The following TRNAU1AP variants were observed in gnomAD, a reference collection of about 807,000 sequenced individuals.
The protein encoded by TRNAU1AP is tRNA selenocysteine 1-associated protein 1.
A neutral mutation model predicts 43.3 loss-of-function variants in TRNAU1AP; 33 were observed. That is an observed-to-expected ratio of 0.76 (90% CI 0.58 to 1.02). The LOEUF is 1.02. Ranked by LOEUF, TRNAU1AP falls within the 50% of genes least tolerant of loss-of-function variation. TRNAU1AP has a pLI of 0.00. For missense variants in TRNAU1AP, 290 were observed against 362.7 expected, an observed-to-expected ratio of 0.80 and a Z score of 1.63; for synonymous variants, 143 against 129.1, an observed-to-expected ratio of 1.11 and a Z score of -0.73.
intron 2 of TRNAU1AP, among the ~76,000 whole-genome samples, chr1:28,556,349 A>T (rs1446673436): frequency 6.6e-6 from 1 of 151,618 alleles, no homozygotes; most frequent in Non-Finnish European, 1.5e-5. Context: ...CTGTAATTCC[A>T]ACTACTTGAG....
chr1:28,570,065 CTT>C (rs1008383968), intron 6 of TRNAU1AP, among the ~76,000 whole-genome samples: 15 of 152,116 alleles, frequency 9.9e-5, no homozygotes, highest in African/African-American at 3.6e-4. Flanking sequence ...AATCCCAACA[CTT>C]TGGGAGGCTG....
At chr1:28,568,180 T>A (rs1665581574) in intron 6 of TRNAU1AP, among the ~76,000 whole-genome samples, 1 of 151,840 alleles carries the variant, frequency 6.6e-6, no homozygotes, top group Admixed American at 6.6e-5. Flanking sequence ...AAAAGAAAAA[T>A]TTTCCAGACA....
At chr1:28,554,967 G>A (rs908328833) in intron 2 of TRNAU1AP, among the ~76,000 whole-genome samples, 3 of 151,816 alleles carry the variant, frequency 2.0e-5, no homozygotes, top group Non-Finnish European at 4.4e-5. Flanking sequence ...GGATGGGTGC[G>A]GTGCCTCATG....
chr1:28,567,167 TTTCTC>T (rs1665559830), intron 5 of TRNAU1AP, 122 bp from the exon 6 acceptor site: 6 of 1,002,512 alleles, frequency 6.0e-6, no homozygotes, highest in Non-Finnish European at 8.8e-6. Context: ...GGACTCTCTC[TTTCTC>T]TTCTCAGCCT....
At chr1:28,572,552 T>C (rs1394682721) in intron 8 of TRNAU1AP, among the ~76,000 whole-genome samples, 1 of 152,064 alleles carries the variant, frequency 6.6e-6, no homozygotes, top group Non-Finnish European at 1.5e-5. Context: ...TTTTTATTTA[T>C]TTTATTTTTT....
intron 5 of TRNAU1AP, among the ~76,000 whole-genome samples, chr1:28,566,532 C>T (rs1426397237): frequency 6.6e-6 from 1 of 151,824 alleles, no homozygotes; most frequent in Non-Finnish European, 1.5e-5. Flanking sequence ...GCGGGTGGAT[C>T]ATGAGGTCAG....
intron 6 of TRNAU1AP, among the ~76,000 whole-genome samples, chr1:28,570,710 A>G (rs563934511): frequency 1.3e-4 from 19 of 151,878 alleles, no homozygotes; most frequent in Admixed American, 2.6e-4. Flanking sequence ...AAATTACTTA[A>G]CCTCTCTGTT....
chr1:28,561,056 T>C, intron 3 of TRNAU1AP: 1 of 1,351,152 alleles, frequency 7.4e-7, no homozygotes, highest in Non-Finnish European at 9.5e-7. Context: ...GAAACTAGAA[T>C]AGGCTGGCAG....
intron 2 of TRNAU1AP, among the ~76,000 whole-genome samples, chr1:28,559,110 C>A (rs1298289403): frequency 1.3e-5 from 2 of 151,414 alleles, no homozygotes; most frequent in African/African-American, 4.9e-5. Flanking sequence ...CTTGTTCTGT[C>A]GCCCAGGCTG....
rs1345261656 is a variant in TRNAU1AP, at chr1:28,577,756, GATCATGAATGTTTCTAC to G, written c.*122_*138del. 5.3e-6 allele frequency: 6 copies of G among 1,133,742 alleles called. No individual in the cohort carries two copies. Among genetic ancestry groups the G allele is most frequent in the Non-Finnish European group, 7.5e-6 (6 of 796,458 alleles). 70.2% of individuals were successfully genotyped at this position (1,133,742 alleles called of 1,614,324 possible). On this transcript the variant is annotated 3_prime_UTR_variant, in exon 9 of 9. Transcript: ENST00000373830. ...GATTTTAATAATGACTGTTTTTGGA[GATCATGAATGTTTCTAC>G]AACACTGCTGCATTCATTTGACCAT...
intron 2 of TRNAU1AP, among the ~76,000 whole-genome samples, chr1:28,560,402 T>C (rs1416339507): frequency 6.6e-6 from 1 of 151,580 alleles, no homozygotes; most frequent in African/African-American, 2.4e-5. Context: ...CCCCTCAGTC[T>C]CCCGAGTAAG....
chr1:28,566,260 A>T (rs901572466), intron 5 of TRNAU1AP, among the ~76,000 whole-genome samples: 1 of 149,724 alleles, frequency 6.7e-6, no homozygotes, highest in African/African-American at 2.5e-5. Context: ...GGTTGCAGTG[A>T]GCCAAGATCG....
rs1665845588 is a variant in TRNAU1AP, at chr1:28,578,119, G to A, written c.*483G>A. The A allele has an allele frequency of 6.3e-6, 1 of 158,928 alleles. No individual in the cohort carries two copies. The highest frequency in any genetic ancestry group is 1.4e-5 in the Non-Finnish European group (1 of 72,272). The allele number at this position is 158,928 out of a possible 1,614,324, so 9.8% of individuals were successfully genotyped here. A position where few individuals can be genotyped will look rare whatever the true frequency, so the allele number is the denominator to read the frequency against. On this transcript the variant is annotated 3_prime_UTR_variant, in exon 9 of 9. Transcript: ENST00000373830. ...CACGCCCCAGAAGGTAGAATGTGGT[G>A]GGGTGTGATGGAACAGGCCAGTTGG...
intron 6 of TRNAU1AP, among the ~76,000 whole-genome samples, chr1:28,570,809 G>A (rs1665647582): frequency 6.6e-6 from 1 of 151,860 alleles, no homozygotes; most frequent in African/African-American, 2.4e-5. Flanking sequence ...TTGGTGGCCG[G>A]GCTCCCAGCA....
chr1:28,558,874 G>A (rs1665340067), intron 2 of TRNAU1AP, among the ~76,000 whole-genome samples: 1 of 151,970 alleles, frequency 6.6e-6, no homozygotes, highest in Non-Finnish European at 1.5e-5. Flanking sequence ...GAAACTGGAC[G>A]TTTTCTTACA....
intron 5 of TRNAU1AP, among the ~76,000 whole-genome samples, chr1:28,566,970 A>G (rs906821570): frequency 1.3e-5 from 2 of 152,220 alleles, no homozygotes; most frequent in Non-Finnish European, 2.9e-5. Flanking sequence ...ATTTTCTTCT[A>G]TGAGTTACTT....
intron 6 of TRNAU1AP, among the ~76,000 whole-genome samples, chr1:28,570,362 C>T (rs182144375): frequency 2.6e-5 from 4 of 152,156 alleles, no homozygotes; most frequent in African/African-American, 9.6e-5. Context: ...ATTCTCCTGC[C>T]TCAGCTTCAC....
chr1:28,570,055 A>C (rs569552208), intron 6 of TRNAU1AP, among the ~76,000 whole-genome samples: 1 of 152,186 alleles, frequency 6.6e-6, no homozygotes, highest in Non-Finnish European at 1.5e-5. Context: ...TCACGCCTGT[A>C]ATCCCAACAC....
At chr1:28,560,827 C>A in intron 3 of TRNAU1AP, 95 bp downstream of exon 3, 1 of 1,079,080 alleles carries the variant, frequency 9.3e-7, no homozygotes, top group Non-Finnish European at 1.3e-6. Flanking sequence ...TTTATTTAAT[C>A]CTAAAACAAC....
Sources: allele counts gnomAD v4.1 joint callset (sites outside exome capture counted in the v4.1 genomes callset), GRCh38; gene constraint gnomAD v4.1.1; transcripts MANE v1.5; gene names NCBI Gene and HGNC (gene_info 2026-07-23, HGNC 2026-07-21).